The following EML5 variants were observed in gnomAD, a reference collection of about 807,000 sequenced individuals.
The protein encoded by EML5 is EMAP like 5.
Under a neutral mutation model 250.0 loss-of-function variants are expected in EML5, and 120 were observed. That is an observed-to-expected ratio of 0.48 (90% CI 0.41 to 0.56). EML5 has a LOEUF of 0.56. Ranked by LOEUF, EML5 falls within the 20% of genes least tolerant of loss-of-function variation. EML5 has a pLI of 0.00. For synonymous variants in EML5, 771 were observed against 806.5 expected (o/e 0.96, Z 0.75); for missense variants, 2,006 against 2,437.6 (o/e 0.82, Z 3.73).
At chr14:88,630,804 A>G (rs530390956) in intron 33 of EML5, among the ~76,000 whole-genome samples, 4 of 152,314 alleles carry the variant, frequency 2.6e-5, no homozygotes, top group African/African-American at 9.6e-5. Context: ...ACATAACTCC[A>G]ATTGCTACTG....
intron 36 of EML5, 162 bp downstream of exon 36, chr14:88,624,808 G>A: frequency 1.3e-6 from 1 of 792,468 alleles, no homozygotes; most frequent in Non-Finnish European, 1.9e-6. Context: ...CCAGAAATGA[G>A]AATCAAATAG....
chr14:88,622,041 C>T (rs771121978), intron 37 of EML5: 9 of 333,144 alleles, frequency 2.7e-5, no homozygotes, highest in Non-Finnish European at 4.3e-5. Context: ...CCCCCTCCCC[C>T]TTGTCCGCCT....
intron 33 of EML5, among the ~76,000 whole-genome samples, chr14:88,633,035 C>T (rs2090525889): frequency 6.6e-6 from 1 of 152,052 alleles, no homozygotes. Context: ...TAAACTAAAG[C>T]CTTAAGTACC....
In EML5 at chr14:88,663,016, C is replaced by T. The variant is rs759871007; in HGVS notation, c.3498+15G>A. ...ATTCACATGAACAACACTGCAAGCA[C>T]CACTGTTGTCCTACCTCCACGCTGG... On this transcript the variant is annotated intron_variant, in intron 24 of 43. Transcript: ENST00000554922. The T allele has an allele frequency of 6.5e-7, 1 of 1,534,846 alleles. No individual in the cohort carries two copies. Among genetic ancestry groups the T allele is most frequent in the Middle Eastern group, 1.7e-4 (1 of 5,934 alleles).
At chr14:88,689,683 A>G (rs1038397310) in intron 17 of EML5, among the ~76,000 whole-genome samples, 2 of 152,164 alleles carry the variant, frequency 1.3e-5, no homozygotes, top group African/African-American at 2.4e-5. Context: ...GCAGTGAGCC[A>G]TGATTGTGCC....
At chr14:88,636,500 A>C (rs1257396950) in intron 32 of EML5, among the ~76,000 whole-genome samples, 24 of 152,162 alleles carry the variant, frequency 1.6e-4, no homozygotes, top group Non-Finnish European at 1.2e-4. Context: ...GTCTCTACTA[A>C]AAATACAAAA....
intron 13 of EML5, among the ~76,000 whole-genome samples, chr14:88,704,256 C>T (rs758448261): frequency 6.6e-6 from 1 of 152,124 alleles, no homozygotes; most frequent in Non-Finnish European, 1.5e-5. Context: ...CCTTCCCTTT[C>T]GATCCCTTTT....
intron 14 of EML5, among the ~76,000 whole-genome samples, chr14:88,699,511 C>T (rs958253822): frequency 6.6e-6 from 1 of 151,928 alleles, no homozygotes; most frequent in East Asian, 1.9e-4. Flanking sequence ...GTTTAGACAG[C>T]CTACAGGCTA....
intron 1 of EML5, among the ~76,000 whole-genome samples, chr14:88,770,806 T>C (rs929379689): frequency 6.6e-6 from 1 of 152,224 alleles, no homozygotes; most frequent in Non-Finnish European, 1.5e-5. Context: ...GATGTAATCA[T>C]CTGAGGGTAT....
intron 7 of EML5, among the ~76,000 whole-genome samples, chr14:88,727,089 A>G (rs528426284): frequency 2.6e-5 from 4 of 152,232 alleles, no homozygotes; most frequent in African/African-American, 9.6e-5. Flanking sequence ...GCACAGTTAT[A>G]GTGTCACTGC....
chr14:88,720,461 C>T (rs2140001646), intron 8 of EML5, among the ~76,000 whole-genome samples: 1 of 152,280 alleles, frequency 6.6e-6, no homozygotes, highest in East Asian at 1.9e-4. Flanking sequence ...CCCCGAGATG[C>T]AAGGCTGGTT....
intron 10 of EML5, 61 bp from the exon 11 acceptor site, chr14:88,706,487 C>T (rs1171446130): frequency 2.4e-6 from 3 of 1,253,386 alleles, no homozygotes; most frequent in South Asian, 2.0e-5. Context: ...CCATTTCAAA[C>T]AATTTTTATA....
At chr14:88,618,087 A>G (rs2088035593) in intron 41 of EML5, 141 bp downstream of exon 41, 3 of 578,848 alleles carry the variant, frequency 5.2e-6, no homozygotes, top group Admixed American at 2.8e-5. Flanking sequence ...CCCAACATGA[A>G]CATACCATTT....
intron 8 of EML5, among the ~76,000 whole-genome samples, chr14:88,725,858 C>T (rs2093658680): frequency 6.6e-6 from 1 of 152,026 alleles, no homozygotes; most frequent in African/African-American, 2.4e-5. Context: ...GTAGACTCTC[C>T]AGAACTCTTT....
At chr14:88,791,687 CAGCCTCTTCAGATAAG>C (rs2094609594) in intron 1 of EML5, among the ~76,000 whole-genome samples, 1 of 152,194 alleles carries the variant, frequency 6.6e-6, no homozygotes, top group Admixed American at 6.5e-5. Flanking sequence ...AAGTTTTCAG[CAGCCTCTTCAGATAAG>C]ACCTACCTTA....
At chr14:88,767,273 C>T (rs1489671296) in intron 1 of EML5, among the ~76,000 whole-genome samples, 1 of 152,214 alleles carries the variant, frequency 6.6e-6, no homozygotes, top group Non-Finnish European at 1.5e-5. Flanking sequence ...AAATCTGAAA[C>T]TTGGATGATT....
chr14:88,729,480 C>T (rs1189050508), intron 7 of EML5, among the ~76,000 whole-genome samples: 1 of 151,742 alleles, frequency 6.6e-6, no homozygotes, highest in Non-Finnish European at 1.5e-5. Context: ...AATTTTGAAA[C>T]ACAAGAAAAT....
intron 21 of EML5, among the ~76,000 whole-genome samples, chr14:88,667,653 G>A (rs2092342769): frequency 6.6e-6 from 1 of 152,138 alleles, no homozygotes. Flanking sequence ...GAGCTGGAGA[G>A]ACACTACAAG....
Position 88,712,431 on chromosome 14 carries a change from T to G in EML5, c.1497A>C (p.Ser499=). Residue 499 remains serine (S), a synonymous_variant, in exon 10 of 44, where the codon TCA becomes TCC. Coordinates refer to ENST00000554922, the MANE Select transcript of EML5 (RefSeq NM_183387.3). ...TEEIKGVHWA[S]WTCVSGLEVN... is the part of the protein sequence containing the mutation. The stretch of plus-strand genomic sequence containing the variant: ...CTTCAAGGCCTGAAACACATGTCCA[T>G]GAAGCCCAATGAACACCTTTTATTT... The G allele has an allele frequency of 6.2e-7, 1 of 1,613,680 alleles. No individual in the cohort carries two copies. The highest frequency in any genetic ancestry group is 1.7e-4 in the Middle Eastern group (1 of 6,054).
Sources: allele counts gnomAD v4.1 joint callset (sites outside exome capture counted in the v4.1 genomes callset), GRCh38; gene constraint gnomAD v4.1.1; transcripts MANE v1.5; gene names NCBI Gene and HGNC (gene_info 2026-07-23, HGNC 2026-07-21).